STXBP4: variants seen among roughly 807,000 people sequenced by gnomAD.
The protein encoded by STXBP4 is syntaxin binding protein 4, also known as syntaxin-binding protein 4.
Under a neutral mutation model 76.1 loss-of-function variants are expected in STXBP4, and 55 were observed. The ratio of observed to expected loss-of-function variants is 0.72; its 90% CI spans 0.58 to 0.91. The LOEUF (loss-of-function observed/expected upper bound fraction) is 0.91. STXBP4 is among the 40% of genes least tolerant of loss of function. STXBP4 has a pLI of 0.00. For synonymous variants in STXBP4, 201 were observed against 220.2 expected (o/e 0.91, Z 0.77); for missense variants, 618 against 636.9 (o/e 0.97, Z 0.32).
intron 16 of STXBP4, among the ~76,000 whole-genome samples, chr17:55,083,531 A>G (rs1409678259): frequency 6.6e-6 from 1 of 152,098 alleles, no homozygotes; most frequent in Non-Finnish European, 1.5e-5. Flanking sequence ...GCTTAAACCA[A>G]CAATTTAGTA....
chr17:55,045,983 T>C (rs192235528), intron 11 of STXBP4, among the ~76,000 whole-genome samples: 14 of 152,212 alleles, frequency 9.2e-5, no homozygotes, highest in Non-Finnish European at 1.9e-4. Flanking sequence ...GACATCTCTA[T>C]TCTTCATGTC....
the STXBP4 span, among the ~76,000 whole-genome samples, chr17:55,205,136 G>A: frequency 6.6e-6 from 1 of 151,958 alleles, no homozygotes; most frequent in Admixed American, 6.6e-5. Context: ...GAATAGCCAA[G>A]GAAATTTTTG....
Position 55,073,038 on chromosome 17 carries a change from C to G in STXBP4, c.1150C>G (p.Leu384Val), listed in dbSNP as rs1555576306. 1 of 1,613,870 alleles carries G rather than the reference C, an allele frequency of 6.2e-7. No individual in the cohort carries two copies. The highest frequency in any genetic ancestry group is 1.7e-5 in the Admixed American group (1 of 59,982). The change falls in exon 13 of 18, where the codon CTA becomes GTA. Residue 384 changes from leucine to valine, a missense_variant. Coordinates refer to ENST00000376352, the MANE Select transcript of STXBP4 (RefSeq NM_178509.6). Reference protein sequence around the residue: ...IRLLEAKITELKAQLADYSDQ... With the variant: ...IRLLEAKITEVKAQLADYSDQ... ...TCTGTTAGAGGCCAAGATTACAGAG[C>G]TAAAGGCTCAGCTTGCTGATTATTC...
chr17:55,211,494 T>C, the STXBP4 span, among the ~76,000 whole-genome samples: 1 of 152,236 alleles, frequency 6.6e-6, no homozygotes. Context: ...TTTCCTGTTA[T>C]TTGTAAATTT....
At chr17:55,007,867 T>C (rs2078037195) in intron 8 of STXBP4, among the ~76,000 whole-genome samples, 1 of 152,186 alleles carries the variant, frequency 6.6e-6, no homozygotes, top group African/African-American at 2.4e-5. Flanking sequence ...ATAAGACAAA[T>C]GTGATTTTTA....
intron 12 of STXBP4, among the ~76,000 whole-genome samples, chr17:55,062,180 G>T (rs1490674523): frequency 6.6e-6 from 1 of 151,840 alleles, no homozygotes; most frequent in East Asian, 1.9e-4. Context: ...ATGGTGGTTT[G>T]CTGCACCCAT....
chr17:55,093,964 T>C (rs959562405), intron 16 of STXBP4, among the ~76,000 whole-genome samples: 1 of 152,122 alleles, frequency 6.6e-6, no homozygotes, highest in East Asian at 1.9e-4. Context: ...ATGAGTGTTA[T>C]GCACATAATA....
At chr17:55,008,663 T>A (rs1693128045) in intron 8 of STXBP4, among the ~76,000 whole-genome samples, 1 of 152,082 alleles carries the variant, frequency 6.6e-6, no homozygotes, top group Non-Finnish European at 1.5e-5. Flanking sequence ...GGTAATAAAC[T>A]GGGGGGAGCA....
intron 13 of STXBP4, among the ~76,000 whole-genome samples, chr17:55,076,603 A>G (rs992234541): frequency 2.0e-5 from 3 of 152,176 alleles, no homozygotes; most frequent in Admixed American, 2.0e-4. Context: ...AATGTTCAGC[A>G]GTTTGACTAT....
intron 4 of STXBP4, among the ~76,000 whole-genome samples, chr17:54,997,835 G>C (rs1486962916): frequency 6.9e-6 from 1 of 145,434 alleles, no homozygotes; most frequent in African/African-American, 2.5e-5. Flanking sequence ...CAATCTTTCT[G>C]CCTCAGCCTC....
intron 10 of STXBP4, among the ~76,000 whole-genome samples, chr17:55,041,322 C>T (rs1418299439): frequency 6.6e-6 from 1 of 151,546 alleles, no homozygotes; most frequent in South Asian, 2.1e-4. Flanking sequence ...CCTTGACCTC[C>T]CCACCCATCT....
intron 12 of STXBP4, among the ~76,000 whole-genome samples, chr17:55,052,579 A>T (rs934120359): frequency 1.3e-5 from 2 of 152,110 alleles, no homozygotes; most frequent in South Asian, 4.1e-4. Flanking sequence ...TTAGGGAAAA[A>T]TTTTGATGAA....
intron 17 of STXBP4, among the ~76,000 whole-genome samples, chr17:55,147,457 T>C (rs1230279944): frequency 1.3e-5 from 2 of 152,216 alleles, no homozygotes; most frequent in Non-Finnish European, 2.9e-5. Context: ...CATGTACCAC[T>C]ACGAGTCCAT....
At chr17:54,972,925 C>T (rs186449237) in intron 1 of STXBP4, among the ~76,000 whole-genome samples, 2 of 152,322 alleles carry the variant, frequency 1.3e-5, no homozygotes, top group Non-Finnish European at 2.9e-5. Context: ...TTCATCTCTG[C>T]CTGGTATGTC....
chr17:54,973,204 G>T (rs1464801250), intron 1 of STXBP4, among the ~76,000 whole-genome samples: 1 of 152,152 alleles, frequency 6.6e-6, no homozygotes, highest in Non-Finnish European at 1.5e-5. Context: ...AAGCCTAATC[G>T]GTTGGGTAGT....
At chr17:55,076,810 T>G (rs74556904) in intron 13 of STXBP4, among the ~76,000 whole-genome samples, 176 of 152,284 alleles carry the variant, frequency 1.2e-3, no homozygotes, top group African/African-American at 3.8e-3. Context: ...CTGTTTTCTC[T>G]TTACCTTTTC....
chr17:55,069,242 A>G (rs2079092456), intron 12 of STXBP4, among the ~76,000 whole-genome samples: 1 of 151,822 alleles, frequency 6.6e-6, no homozygotes, highest in South Asian at 2.1e-4. Flanking sequence ...CTTAGTATTA[A>G]AAAGCATAAT....
chr17:54,981,355 A>G (rs575607713), intron 1 of STXBP4, among the ~76,000 whole-genome samples: 1 of 151,926 alleles, frequency 6.6e-6, no homozygotes, highest in East Asian at 1.9e-4. Flanking sequence ...TCTGTAATTA[A>G]AATAGAATGG....
In STXBP4 at chr17:55,163,693, T is replaced by C. The variant is rs771697007; in HGVS notation, c.*3782T>C. 2 of 152,456 alleles carry C rather than the reference T, an allele frequency of 1.3e-5. No homozygotes were observed. Among genetic ancestry groups the C allele is most frequent in the African/African-American group, 2.4e-5 (1 of 41,442 alleles). 9.4% of individuals were successfully genotyped at this position (152,456 alleles called of 1,614,324 possible). On this transcript the variant is annotated 3_prime_UTR_variant, in exon 18 of 18. Coordinates refer to ENST00000376352, the MANE Select transcript of STXBP4 (RefSeq NM_178509.6). ...CTCATAGTCTAAAACCATTTTTCTT[T>C]CTTTTTTTTCCCCCTAAACAACCTC...
Sources: allele counts gnomAD v4.1 joint callset (sites outside exome capture counted in the v4.1 genomes callset), GRCh38; gene constraint gnomAD v4.1.1; transcripts MANE v1.5; gene names NCBI Gene and HGNC (gene_info 2026-07-23, HGNC 2026-07-21).